SLC25A48: variants seen among roughly 807,000 people sequenced by gnomAD.
The protein encoded by SLC25A48 is solute carrier family 25 member 48, also known as CTC-321K16.1.
A neutral mutation model predicts 32.2 loss-of-function variants in SLC25A48; 29 were observed. That is an observed-to-expected ratio of 0.90 (90% CI 0.67 to 1.23). SLC25A48 has a LOEUF of 1.23. Among genes scored for constraint, SLC25A48 ranks in the 50% most tolerant of loss-of-function variants. The pLI is 0.00. For missense variants in SLC25A48, 399 were observed against 422.7 expected, an observed-to-expected ratio of 0.94 and a Z score of 0.49; for synonymous variants, 164 against 172.3, an observed-to-expected ratio of 0.95 and a Z score of 0.38.
intron 7 of SLC25A48, among the ~76,000 whole-genome samples, chr5:135,883,682 A>C (rs1170455809): frequency 6.6e-6 from 1 of 152,118 alleles, no homozygotes. Context: ...AGGGACAGAA[A>C]CCTTCTAGGG....
chr5:135,695,352 A>T (rs1263681253), intron 3 of SLC25A48, among the ~76,000 whole-genome samples: 4 of 152,244 alleles, frequency 2.6e-5, no homozygotes, highest in African/African-American at 9.6e-5. Context: ...AGAATATAAG[A>T]TCTATGAGAG....
At chr5:135,737,644 G>A (rs572752775) in intron 3 of SLC25A48, among the ~76,000 whole-genome samples, 2 of 152,272 alleles carry the variant, frequency 1.3e-5, no homozygotes, top group African/African-American at 4.8e-5. Flanking sequence ...GCAGCTTCAG[G>A]TGACTCCTTC....
In SLC25A48 at chr5:135,627,471, C is replaced by T. The variant is rs114368519; in HGVS notation, c.-848-1766C>T. On this transcript the variant is annotated intron_variant, in intron 1 of 10. Coordinates refer to the SLC25A48 transcript ENST00000646290. ...TGACCTTCGATCCTAGAAGTGGTGG[C>T]GGATTCCTGCTAGTGCTAAGCTCTG... 4.7e-3 allele frequency among the ~76,000 whole-genome samples: 718 copies of T among 152,274 alleles called. 1 individual carries two copies. The highest frequency in any genetic ancestry group is 0.016 in the African/African-American group (674 of 41,542).
At chr5:135,699,750 A>T (rs1403310611) in intron 3 of SLC25A48, among the ~76,000 whole-genome samples, 2 of 152,214 alleles carry the variant, frequency 1.3e-5, no homozygotes, top group Admixed American at 1.3e-4. Flanking sequence ...CTGCCTAGTG[A>T]GGGTCTCAGC....
chr5:135,593,346 C>G (rs1258467263), intron 1 of SLC25A48, among the ~76,000 whole-genome samples: 1 of 152,196 alleles, frequency 6.6e-6, no homozygotes, highest in Non-Finnish European at 1.5e-5. Flanking sequence ...TCACCTACAG[C>G]TGGTTTTCTG....
rs541538154 is a variant in SLC25A48, at chr5:135,877,003, G to T, written c.813+2849G>T. On this transcript the variant is annotated intron_variant, in intron 6 of 7. Transcript: ENST00000681962. ...TTCCAATCTGTTCTCACCTTGCTAT[G>T]GAGGAAGAAGTTTGTGACAGGAAAG... 2.6e-5 allele frequency among the ~76,000 whole-genome samples: 4 copies of T among 152,292 alleles called. No homozygotes were observed. The East Asian group carries it at 7.7e-4, about 29-fold the overall frequency.
At chr5:135,668,578 A>G (rs1446749599) in intron 3 of SLC25A48, among the ~76,000 whole-genome samples, 1 of 152,234 alleles carries the variant, frequency 6.6e-6, no homozygotes, top group African/African-American at 2.4e-5. Flanking sequence ...GAACATAGAC[A>G]TGTATAAGCA....
At chr5:135,630,668 C>G (rs915524000) in intron 2 of SLC25A48, among the ~76,000 whole-genome samples, 1 of 120,160 alleles carries the variant, frequency 8.3e-6, no homozygotes, top group Admixed American at 1.2e-4. Context: ...GTGGAGTGAT[C>G]TTGGCTCACT....
chr5:135,704,965 A>C (rs1030351785), intron 3 of SLC25A48, among the ~76,000 whole-genome samples: 2 of 152,196 alleles, frequency 1.3e-5, no homozygotes, highest in African/African-American at 4.8e-5. Flanking sequence ...AGGACTGCTG[A>C]GGATAGCCTG....
At chr5:135,840,848 T>C (rs1261837697) in intron 1 of SLC25A48, among the ~76,000 whole-genome samples, 1 of 152,220 alleles carries the variant, frequency 6.6e-6, no homozygotes, top group Non-Finnish European at 1.5e-5. Context: ...TTGATGGGCA[T>C]TTTTGGCTAT....
At chr5:135,670,101 G>A (rs970684889) in intron 3 of SLC25A48, among the ~76,000 whole-genome samples, 8 of 152,178 alleles carry the variant, frequency 5.3e-5, no homozygotes, top group Admixed American at 3.3e-4. Flanking sequence ...AGCCTTTGTA[G>A]ATAAGTTTTT....
intron 3 of SLC25A48, among the ~76,000 whole-genome samples, chr5:135,789,269 GGTGTACACC>G (rs1756952694): frequency 2.3e-5 from 1 of 43,228 alleles, no homozygotes; most frequent in Non-Finnish European, 7.8e-5. Flanking sequence ...TGTGGCAGGG[GGTGTACACC>G]CCCTGCCATA....
chr5:135,861,619 C>T (rs1186277250), intron 4 of SLC25A48, among the ~76,000 whole-genome samples: 3 of 152,132 alleles, frequency 2.0e-5, no homozygotes, highest in Non-Finnish European at 4.4e-5. Context: ...TAACAATCTT[C>T]CTAATGGTGA....
At chr5:135,759,357 G>A (rs1016094938) in intron 3 of SLC25A48, among the ~76,000 whole-genome samples, 15 of 152,062 alleles carry the variant, frequency 9.9e-5, no homozygotes, top group Admixed American at 7.9e-4. Context: ...TCCATGGTAC[G>A]GATGTACCAT....
rs1261809930 is a variant in SLC25A48 at position 135,728,333 on chromosome 5, C to CA, written c.-520-84184dup. Among the ~76,000 whole-genome samples the CA allele has an allele frequency of 3.3e-5, 5 of 151,532 alleles. No homozygotes were observed. In the South Asian group the frequency reaches 8.4e-4, roughly 25 times the overall value. On this transcript the variant is annotated intron_variant, in intron 3 of 10. Coordinates refer to the SLC25A48 transcript ENST00000646290. ...TTAATAGGTTGAACATTTAAAATAG[C>CA]AAAAAAGAACTAAAAACATCTGTAA... is the stretch of plus-strand genomic sequence containing the variant.
chr5:135,799,809 G>A (rs996653384), intron 3 of SLC25A48, among the ~76,000 whole-genome samples: 1 of 151,634 alleles, frequency 6.6e-6, no homozygotes, highest in East Asian at 1.9e-4. Flanking sequence ...GTAGTGGAGA[G>A]GATGGCATTA....
intron 3 of SLC25A48, among the ~76,000 whole-genome samples, chr5:135,659,901 A>G (rs959431155): frequency 1.3e-5 from 2 of 152,254 alleles, no homozygotes; most frequent in South Asian, 2.1e-4. Context: ...ATCTGCCCCC[A>G]TGATTCAATC....
chr5:135,726,431 C>A (rs532767100), intron 3 of SLC25A48, among the ~76,000 whole-genome samples: 1 of 152,310 alleles, frequency 6.6e-6, no homozygotes, highest in East Asian at 1.9e-4. Context: ...TCACAAGGAT[C>A]CCTCATGTTG....
intron 3 of SLC25A48, chr5:135,650,109 CT>C: frequency 5.3e-6 from 1 of 189,278 alleles, no homozygotes; most frequent in South Asian, 8.8e-5. Context: ...AGTCTCATTT[CT>C]TTAGGTGGCC....
Sources: gnomAD v4.1 joint callset for allele counts (sites outside exome capture counted in the v4.1 genomes callset) on GRCh38, gnomAD v4.1.1 for gene constraint, MANE v1.5 for transcripts, NCBI Gene and HGNC (gene_info 2026-07-23, HGNC 2026-07-21) for gene names.